The following PLCD3 variants were observed in gnomAD, a reference collection of about 807,000 sequenced individuals.
PLCD3 encodes phospholipase C delta 3.
A neutral mutation model predicts 82.8 loss-of-function variants in PLCD3; 62 were observed. The ratio of observed to expected loss-of-function variants is 0.75; its 90% CI spans 0.61 to 0.93. The LOEUF (loss-of-function observed/expected upper bound fraction) is 0.93. PLCD3 is among the 40% of genes least tolerant of loss of function. The pLI is 0.00. For synonymous variants in PLCD3, 478 were observed against 471.8 expected (o/e 1.01, Z -0.17); for missense variants, 1,023 against 1,103.4 (o/e 0.93, Z 1.03).
intron 1 of PLCD3, among the ~76,000 whole-genome samples, chr17:45,126,600 G>T (rs1284327730): frequency 6.6e-6 from 1 of 151,462 alleles, no homozygotes; most frequent in Admixed American, 6.6e-5. Flanking sequence ...ACAGCACCCG[G>T]CCTATTTTAC....
rs980872993 is a variant in PLCD3 at position 45,132,466 on chromosome 17, G to C, written c.-56C>G. 1 of 1,099,392 alleles carries C rather than the reference G, an allele frequency of 9.1e-7. No individual in the cohort carries two copies. Among genetic ancestry groups the C allele is most frequent in the Non-Finnish European group, 1.1e-6 (1 of 883,776 alleles). The allele number at this position is 1,099,392 out of a possible 1,614,324, so 68.1% of individuals were successfully genotyped here. A position where few individuals can be genotyped will look rare whatever the true frequency, so the allele number is the denominator to read the frequency against. ...GGTCTGCACGCGGGGACAGGGCAGC[G>C]GGGCGCCGCTCTGGCCCGGCCCCGG... On this transcript the variant is annotated 5_prime_UTR_variant, in exon 1 of 15. Coordinates refer to ENST00000619929, the MANE Select transcript of PLCD3 (RefSeq NM_133373.5). The surrounding 1 kb of genome is among the most constrained non-coding windows in gnomAD (Gnocchi z 4.6).
chr17:45,131,634 C>T (rs1273633194), intron 1 of PLCD3, among the ~76,000 whole-genome samples: 2 of 152,232 alleles, frequency 1.3e-5, no homozygotes, highest in African/African-American at 4.8e-5. Flanking sequence ...CCTGTGTAAC[C>T]CACCCAGTGC....
intron 1 of PLCD3, among the ~76,000 whole-genome samples, chr17:45,127,829 C>T (rs61588218): frequency 0.83 from 124,820 of 151,128 alleles, 51,863 homozygotes; most frequent in African/African-American, 0.9. Flanking sequence ...TGTGTGTGTG[C>T]GTACAGGGTT....
chr17:45,132,368 C>T lies in PLCD3; in HGVS notation c.43G>A (p.Glu15Lys), dbSNP rs959359140. 3.6e-5 allele frequency: 44 copies of T among 1,229,170 alleles called. No individual in the cohort carries two copies. In the South Asian group the frequency reaches 6.2e-4, roughly 17 times the overall value. The allele number at this position is 1,229,170 out of a possible 1,614,324, so 76.1% of individuals were successfully genotyped here. A position where few individuals can be genotyped will look rare whatever the true frequency, so the allele number is the denominator to read the frequency against. ...RWRRCRRPPE[E>K]PPVAAQVAAQ... ...GCGACCTGGGCGGCCACCGGGGGCT[C>T]CTCGGGCGGGCGGCGGCAACGCCTC... Residue 15 changes from glutamate (E) to lysine (K), a missense_variant, in exon 1 of 15, where the codon GAG (glutamate) becomes AAG (lysine). Glu to Lys is a moderately conservative substitution (Grantham distance 56). Around this residue, in one of 3 missense-constraint regions of PLCD3, gnomAD observed 22 missense variants for 41.3 expected, o/e 0.53. Transcript: ENST00000619929. The surrounding 1 kb of genome is among the most constrained non-coding windows in gnomAD (Gnocchi z 4.6).
Position 45,121,208 on chromosome 17 carries a change from C to T in PLCD3, c.325+3G>A. 3 of 1,578,664 alleles carry T rather than the reference C, an allele frequency of 1.9e-6. No individual in the cohort carries two copies. The highest frequency in any genetic ancestry group is 2.6e-6 in the Non-Finnish European group (3 of 1,171,096). The stretch of plus-strand genomic sequence containing the variant: ...GTCCGCCCGGCGCTCCCCGGCCTCT[C>T]ACAGATGTGCTGCGATGGCGCACGC... On this transcript the variant is annotated splice_donor_region_variant and intron_variant, in intron 2 of 14. Transcript: ENST00000619929.
In PLCD3 at chr17:45,127,798, G is replaced by A. The variant is rs188936917; in HGVS notation, c.163+4450C>T. On this transcript the variant is annotated intron_variant, in intron 1 of 14. Transcript: ENST00000619929. Reference sequence around the variant, plus strand: ...TGTGTGTATGAGTGTGAGTGAATGTGTGTGAGTGTGTGCGTGTGAGTGTGT... The same window carrying A: ...TGTGTGTATGAGTGTGAGTGAATGTATGTGAGTGTGTGCGTGTGAGTGTGT... 8.8e-4 allele frequency among the ~76,000 whole-genome samples: 75 copies of A among 85,690 alleles called. 1 individual carries two copies. Among genetic ancestry groups the A allele is most frequent in the South Asian group, 4.8e-3 (11 of 2,310 alleles). The allele number at this position is 85,690 out of a possible 152,430, so 56.2% of individuals were successfully genotyped here.
chr17:45,114,176 TG>T, intron 11 of PLCD3, 73 bp downstream of exon 11: 1 of 1,104,488 alleles, frequency 9.1e-7, no homozygotes, highest in Non-Finnish European at 1.3e-6. Context: ...GAAGGCTGTG[TG>T]GGCCCCTCAC....
At chr17:45,130,482 G>A (rs4986169) in intron 1 of PLCD3, among the ~76,000 whole-genome samples, 73,048 of 151,906 alleles carry the variant, frequency 0.48, 17,864 homozygotes, top group South Asian at 0.54. Flanking sequence ...CAGCCCTTCC[G>A]CGGCACCCGT....
At chr17:45,123,927 G>A (rs534710480) in intron 1 of PLCD3, among the ~76,000 whole-genome samples, 41 of 150,488 alleles carry the variant, frequency 2.7e-4, no homozygotes, top group African/African-American at 9.9e-4. Flanking sequence ...GGGTGTACAC[G>A]GCACGTGCCA....
chr17:45,113,704 C>T lies in PLCD3; in HGVS notation c.1829-99G>A, dbSNP rs1250894335. 3.5e-6 allele frequency: 5 copies of T among 1,411,250 alleles called. No individual in the cohort carries two copies. The East Asian group carries it at 1.2e-4, about 35-fold the overall frequency. 87.4% of individuals were successfully genotyped at this position (1,411,250 alleles called of 1,614,324 possible). ...TTCCTCTCTACAAAGGGCCTGGGGT[C>T]CCACTGTCTGCTTAGTGCTGCTCTG... On this transcript the variant is annotated intron_variant, in intron 11 of 14. Coordinates refer to ENST00000619929, the MANE Select transcript of PLCD3 (RefSeq NM_133373.5).
chr17:45,117,858 C>G, intron 7 of PLCD3, 136 bp downstream of exon 7: 1 of 1,223,810 alleles, frequency 8.2e-7, no homozygotes, highest in Non-Finnish European at 1.1e-6. Context: ...GCCACTTATC[C>G]CAGCAGCACT....
chr17:45,114,867 C>T (rs1295811481), intron 10 of PLCD3, among the ~76,000 whole-genome samples: 2 of 152,122 alleles, frequency 1.3e-5, no homozygotes, highest in African/African-American at 2.4e-5. Flanking sequence ...CCTCTATGGC[C>T]GGCCCCACCA....
At position 45,115,316 on chromosome 17, in the gene PLCD3, T is replaced by TTCCCCCCCCC. The variant is rs1598028310; in HGVS notation, c.1560+27_1560+28insGGGGGGGGGA. The TTCCCCCCCCC allele has an allele frequency of 4.1e-6, 6 of 1,474,936 alleles. No homozygotes were observed. The Admixed American group carries it at 6.9e-5, about 17-fold the overall frequency. 91.4% of individuals were successfully genotyped at this position (1,474,936 alleles called of 1,614,324 possible). On this transcript the variant is annotated intron_variant, in intron 9 of 14. Transcript: ENST00000619929. The stretch of plus-strand genomic sequence containing the variant: ...ATCCGTCCTCCCACCTTCCCCCCCT[T>TTCCCCCCCCC]CCCCACCCCACCCATCCCAGCTCTC...
Position 45,114,435 on chromosome 17 carries a change from C to A in PLCD3, c.1712-69G>T, listed in dbSNP as rs935474605. On this transcript the variant is annotated intron_variant, in intron 10 of 14. Coordinates refer to ENST00000619929, the MANE Select transcript of PLCD3 (RefSeq NM_133373.5). Reference sequence around the variant, plus strand: ...CCTCACCCAAAGCCCCGGCCTGTAACCTCCAGGGAACAGAGCCCAAGCCCG... The same window carrying A: ...CCTCACCCAAAGCCCCGGCCTGTAAACTCCAGGGAACAGAGCCCAAGCCCG... 22 of 1,301,662 alleles carry A rather than the reference C, an allele frequency of 1.7e-5. 1 individual carries two copies. Among genetic ancestry groups the A allele is most frequent in the Admixed American group, 2.5e-5 (1 of 40,694 alleles). The allele number at this position is 1,301,662 out of a possible 1,614,324, so 80.6% of individuals were successfully genotyped here.
In PLCD3 at chr17:45,118,158, T is replaced by C. The variant is rs1452813418; in HGVS notation, c.1116-20A>G. 16 of 1,613,680 alleles carry C rather than the reference T, an allele frequency of 9.9e-6. No individual in the cohort carries two copies. The highest frequency in any genetic ancestry group is 1.7e-4 in the Middle Eastern group (1 of 6,060). On this transcript the variant is annotated intron_variant, in intron 6 of 14. Coordinates refer to ENST00000619929, the MANE Select transcript of PLCD3 (RefSeq NM_133373.5). This position sits in a 1 kb window ranked among gnomAD's most constrained non-coding sequence, Gnocchi z 4.1. ...AAGGCCCTGTGTGTGGACAGATGGG[T>C]GGACGGGCAAGGTGTTGCCAGAGTG...
rs376273738 is a variant in PLCD3 at position 45,110,927 on chromosome 17, G to A, written c.*1689C>T. The A allele has an allele frequency of 6.6e-6, 1 of 152,284 alleles. No homozygotes were observed. The highest frequency in any genetic ancestry group is 2.4e-5 in the African/African-American group (1 of 41,476). The allele number at this position is 152,284 out of a possible 1,614,324, so 9.4% of individuals were successfully genotyped here. On this transcript the variant is annotated 3_prime_UTR_variant, in exon 15 of 15. Transcript: ENST00000619929. ...GCATTAGTTCTTGGAGTTGCTAGAA[G>A]GTGGAGTCTGCCCCAGCCCTGTGTT...
rs749982279 is a variant in PLCD3 at position 45,115,061 on chromosome 17, T to C, written c.1711+33A>G. On this transcript the variant is annotated intron_variant, in intron 10 of 14. Coordinates refer to ENST00000619929, the MANE Select transcript of PLCD3 (RefSeq NM_133373.5). ...TCCCTTCAGGAGGTCTCTCACCCTCTCGCCCCCAGACACCCAGTGCCCCAG... is the reference window on the plus strand; with the variant it reads ...TCCCTTCAGGAGGTCTCTCACCCTCCCGCCCCCAGACACCCAGTGCCCCAG... 7.0e-6 allele frequency: 11 copies of C among 1,571,362 alleles called. No homozygotes were observed. In the South Asian group the frequency reaches 1.3e-4, roughly 19 times the overall value.
chr17:45,120,286 T>G (rs2054325590), intron 4 of PLCD3, 39 bp downstream of exon 4: 2 of 1,612,930 alleles, frequency 1.2e-6, no homozygotes, highest in East Asian at 2.2e-5. Flanking sequence ...GTCAGAGTGA[T>G]GGCAGAGCCA....
intron 1 of PLCD3, among the ~76,000 whole-genome samples, chr17:45,123,434 C>G (rs1446888016): frequency 6.6e-6 from 1 of 152,228 alleles, no homozygotes; most frequent in African/African-American, 2.4e-5. Context: ...CCACAGTGCT[C>G]ATCCCAGAGC....
Sources: gnomAD v4.1 joint callset for allele counts (sites outside exome capture counted in the v4.1 genomes callset) on GRCh38, gnomAD v4.1.1 for gene constraint, gnomAD v4.1.1 regional missense constraint, Gnocchi (gnomAD v3.1) non-coding constraint, MANE v1.5 for transcripts, NCBI Gene and HGNC (gene_info 2026-07-23, HGNC 2026-07-21) for gene names.